BZW2: variants seen among roughly 807,000 people sequenced by gnomAD.
BZW2 encodes basic leucine zipper and W2 domains 2, also known as eIF5-mimic protein 1.
A neutral mutation model predicts 53.2 loss-of-function variants in BZW2; 23 were observed. That is an observed-to-expected ratio of 0.43 (90% CI 0.31 to 0.61). BZW2 has a LOEUF of 0.61. BZW2 is among the 20% of genes least tolerant of loss of function. The probability of loss-of-function intolerance (pLI) is 0.09; values close to 1 mark genes in which losing one functional copy is unlikely to be tolerated. For missense variants in BZW2, 409 were observed against 503.1 expected (o/e 0.81, Z 1.79); for synonymous variants, 227 against 186.4 (o/e 1.22, Z -1.77).
At chr7:16,690,580 T>C (rs1470688678) in intron 7 of BZW2, among the ~76,000 whole-genome samples, 1 of 152,190 alleles carries the variant, frequency 6.6e-6, no homozygotes, top group Admixed American at 6.5e-5. Context: ...ATCAAATACT[T>C]GTGATGTCTG....
At chr7:16,695,422 T>C (rs892352951) in intron 8 of BZW2, among the ~76,000 whole-genome samples, 1 of 152,230 alleles carries the variant, frequency 6.6e-6, no homozygotes, top group Admixed American at 6.5e-5. Context: ...TCTGTATGAA[T>C]ATGTAACAGG....
At chr7:16,657,288 C>T (rs765882297) in intron 1 of BZW2, among the ~76,000 whole-genome samples, 3 of 152,108 alleles carry the variant, frequency 2.0e-5, no homozygotes, top group Non-Finnish European at 4.4e-5. Flanking sequence ...CACCATTGGA[C>T]GTAAATGTAT....
At chr7:16,700,446 C>A (rs1476893309) in intron 10 of BZW2, among the ~76,000 whole-genome samples, 1 of 152,156 alleles carries the variant, frequency 6.6e-6, no homozygotes, top group Non-Finnish European at 1.5e-5. Context: ...TGCTCTCATT[C>A]CGTGTTTTAT....
At chr7:16,698,796 T>C (rs1382187744) in intron 10 of BZW2, among the ~76,000 whole-genome samples, 1 of 152,214 alleles carries the variant, frequency 6.6e-6, no homozygotes, top group Non-Finnish European at 1.5e-5. Context: ...CATACAGAAA[T>C]GTCCTAGGCT....
At chr7:16,669,034 A>G (rs979169851) in intron 2 of BZW2, among the ~76,000 whole-genome samples, 11 of 152,224 alleles carry the variant, frequency 7.2e-5, no homozygotes, top group African/African-American at 2.7e-4. Flanking sequence ...ACAATTAGTG[A>G]AAACAAGAGA....
intron 11 of BZW2, 87 bp downstream of exon 11, chr7:16,704,756 G>T: frequency 7.6e-7 from 1 of 1,312,954 alleles, no homozygotes; most frequent in East Asian, 2.5e-5. Context: ...GATTTTACTT[G>T]ATTTTCTAAA....
At chr7:16,704,726 A>G in intron 11 of BZW2, 57 bp downstream of exon 11, 1 of 1,419,068 alleles carries the variant, frequency 7.0e-7, no homozygotes, top group Non-Finnish European at 9.4e-7. Context: ...TTATATGTCA[A>G]AATATTTACC....
intron 10 of BZW2, among the ~76,000 whole-genome samples, chr7:16,703,168 T>G (rs1301189393): frequency 6.6e-6 from 1 of 152,164 alleles, no homozygotes; most frequent in Non-Finnish European, 1.5e-5. Context: ...AACAAAGAGC[T>G]AAAATAACTA....
At chr7:16,670,940 C>T (rs150485356) in intron 2 of BZW2, among the ~76,000 whole-genome samples, 4 of 152,204 alleles carry the variant, frequency 2.6e-5, no homozygotes, top group South Asian at 4.1e-4. Context: ...CTGGGAATGC[C>T]ATTCTTCTCT....
chr7:16,646,488 G>A lies in BZW2; in HGVS notation c.-8+200G>A, dbSNP rs190437411. On this transcript the variant is annotated intron_variant, in intron 1 of 11. Coordinates refer to ENST00000258761, the MANE Select transcript of BZW2 (RefSeq NM_014038.3). ...GTACGGGGTATCAGTGCCCTGGGAT[G>A]AAGACCTCCGACTCGCAACGTTTGG... is the stretch of plus-strand genomic sequence containing the variant. Among the ~76,000 whole-genome samples the A allele has an allele frequency of 5.2e-3, 791 of 151,806 alleles. 6 individuals are homozygous for A. Among genetic ancestry groups the A allele is most frequent in the Non-Finnish European group, 4.6e-3 (315 of 67,890 alleles).
chr7:16,685,020 C>G (rs1276413132), intron 5 of BZW2, among the ~76,000 whole-genome samples: 1 of 152,170 alleles, frequency 6.6e-6, no homozygotes, highest in Non-Finnish European at 1.5e-5. Flanking sequence ...ATCAGCAAGG[C>G]CCCTGTGGTG....
chr7:16,685,761 C>A, intron 5 of BZW2, 144 bp from the exon 6 acceptor site: 1 of 1,036,692 alleles, frequency 9.6e-7, no homozygotes, highest in Non-Finnish European at 1.3e-6. Flanking sequence ...AATTACTATG[C>A]TTTGCATATG....
At position 16,674,437 on chromosome 7, in the gene BZW2, A is replaced by T; in HGVS notation, c.84A>T (p.Thr28=). ...KRDEKEKFEP[T]VFRDTLVQGL... is the part of the protein sequence containing the mutation. ...ATGAAAAAGAGAAATTCGAACCCAC[A>T]GTCTTCAGGGATACACTTGTCCAGG... is the stretch of plus-strand genomic sequence containing the variant. Residue 28 remains threonine, a synonymous_variant, in exon 3 of 12, where the codon ACA becomes ACT. Transcript: ENST00000258761. The T allele has an allele frequency of 6.3e-7, 1 of 1,588,414 alleles. No individual in the cohort carries two copies. Among genetic ancestry groups the T allele is most frequent in the Non-Finnish European group, 8.5e-7 (1 of 1,169,870 alleles).
rs558675877 is a variant in BZW2 at position 16,694,904 on chromosome 7, A to G, written c.722A>G (p.Glu241Gly). 5.0e-6 allele frequency: 8 copies of G among 1,595,802 alleles called. No individual in the cohort carries two copies. The South Asian group carries it at 8.9e-5, about 18-fold the overall frequency. ...TACTTCACTGACGCAGGTCTTAAGG[A>G]GCTTTCCGACTTCCTCCGAGTCCAG... is the stretch of plus-strand genomic sequence containing the variant. Reference protein sequence around the residue: ...AKYFTDAGLKELSDFLRVQQS... With the variant: ...AKYFTDAGLKGLSDFLRVQQS... The change falls in exon 8 of 12, where the codon GAG becomes GGG. Residue 241 changes from glutamate to glycine, a missense_variant. Glu to Gly is a moderately conservative substitution (Grantham distance 98, BLOSUM62 -2). This residue lies in a region of BZW2 where 316 missense variants were observed against 366.8 expected (regional missense o/e 0.86). Transcript: ENST00000258761.
chr7:16,665,527 G>A, intron 2 of BZW2, 26 bp downstream of exon 2: 1 of 1,610,664 alleles, frequency 6.2e-7, no homozygotes, highest in South Asian at 1.1e-5. Context: ...GTGTGTGTGT[G>A]TGTTTAAAGT....
intron 8 of BZW2, chr7:16,695,725 G>A (rs889040710): frequency 1.3e-5 from 2 of 151,354 alleles, no homozygotes; most frequent in African/African-American, 2.4e-5. Flanking sequence ...TTTTTTCCAC[G>A]TGCTCTAAAA....
At chr7:16,685,876 C>CTTTTTTTTTTTTTTTT (rs34699573) in intron 5 of BZW2, 29 bp from the exon 6 acceptor site, 13 of 1,294,588 alleles carry the variant, frequency 1.0e-5, no homozygotes, top group South Asian at 8.6e-5. Flanking sequence ...TTTTCTTTTT[C>CTTTTTTTTTTTTTTTT]TTTTTTTTTT....
At chr7:16,680,748 G>T (rs113381914) in intron 3 of BZW2, among the ~76,000 whole-genome samples, 1 of 151,988 alleles carries the variant, frequency 6.6e-6, no homozygotes, top group Non-Finnish European at 1.5e-5. Context: ...GGTTGAGACT[G>T]CAGTGAGCCA....
At chr7:16,678,238 T>G (rs1782827919) in intron 3 of BZW2, among the ~76,000 whole-genome samples, 1 of 151,774 alleles carries the variant, frequency 6.6e-6, no homozygotes, top group Non-Finnish European at 1.5e-5. Context: ...GTAATTTTAG[T>G]AGGGATGGGG....
Sources: allele counts gnomAD v4.1 joint callset (sites outside exome capture counted in the v4.1 genomes callset), GRCh38; gene constraint gnomAD v4.1.1; regional missense constraint gnomAD v4.1.1; transcripts MANE v1.5; gene names NCBI Gene and HGNC (gene_info 2026-07-23, HGNC 2026-07-21).